The following PGBD2 variants were observed in gnomAD, a reference collection of about 807,000 sequenced individuals.
PGBD2 encodes piggyBac transposable element derived 2, also known as piggyBac transposable element-derived protein 2.
PGBD2 carries 6 observed loss-of-function variants against 8.1 expected under a neutral mutation model. The observed-to-expected ratio is 0.74, with a 90% confidence interval of 0.40 to 1.46. The LOEUF (loss-of-function observed/expected upper bound fraction) is 1.46, where lower values mean the gene tolerates loss of function less well. PGBD2 is among the 40% of genes most tolerant of loss of function. The pLI is 0.02. For synonymous variants in PGBD2, 318 were observed against 272.2 expected, an observed-to-expected ratio of 1.17 and a Z score of -1.66; for missense variants, 802 against 739.0, an observed-to-expected ratio of 1.09 and a Z score of -0.99.
the PGBD2 span, among the ~76,000 whole-genome samples, chr1:248,890,699 C>A: frequency 6.6e-6 from 1 of 151,066 alleles, no homozygotes. Context: ...CCAACACCGA[C>A]CCCCACACAC....
the PGBD2 span, among the ~76,000 whole-genome samples, chr1:248,873,927 G>C: frequency 6.6e-6 from 1 of 152,226 alleles, no homozygotes; most frequent in Admixed American, 6.5e-5. Context: ...CTGGTCTCCG[G>C]ATGGAGGCGT....
upstream of PGBD2, among the ~76,000 whole-genome samples, chr1:248,903,705 A>C (rs1290204762): frequency 6.6e-6 from 1 of 152,242 alleles, no homozygotes; most frequent in Non-Finnish European, 1.5e-5. Context: ...CTTCAGGTCC[A>C]GCTCACCTGA....
chr1:248,899,998 T>A, the PGBD2 span, among the ~76,000 whole-genome samples: 6 of 149,706 alleles, frequency 4.0e-5, no homozygotes, highest in Admixed American at 2.7e-4. Context: ...GATAAATTGC[T>A]GGATATATAC....
chr1:248,917,983 G>C lies in PGBD2; in HGVS notation c.1399G>C (p.Asp467His). 6.2e-7 allele frequency: 1 copy of C among 1,614,196 alleles called. No individual in the cohort carries two copies. The highest frequency in any genetic ancestry group is 8.5e-7 in the Non-Finnish European group (1 of 1,180,030). The change falls in exon 3 of 3, where the codon GAT becomes CAT. Residue 467 changes from aspartate (D) to histidine (H), a missense_variant. Transcript: ENST00000329291. ...QEKVGGVGRM[D>H]QNIAKYKVKI... ...GAAGGTGGGTGGCGTTGGTAGGATG[G>C]ATCAGAATATTGCCAAGTACAAGGT... is the stretch of plus-strand genomic sequence containing the variant.
the PGBD2 span, among the ~76,000 whole-genome samples, chr1:248,882,244 CA>C: frequency 6.6e-6 from 1 of 152,054 alleles, no homozygotes; most frequent in African/African-American, 2.4e-5. Flanking sequence ...TTAGTGAGGG[CA>C]GGGGTAGGTT....
At chr1:248,908,003 G>T (rs553848028) in intron 1 of PGBD2, among the ~76,000 whole-genome samples, 6 of 152,092 alleles carry the variant, frequency 3.9e-5, no homozygotes, top group Admixed American at 1.3e-4. Context: ...TCAGAGTGTT[G>T]TGAAACAAGC....
the PGBD2 span, among the ~76,000 whole-genome samples, chr1:248,930,045 G>C: frequency 6.6e-6 from 1 of 152,204 alleles, no homozygotes; most frequent in South Asian, 2.1e-4. Flanking sequence ...AAAGCTTCCT[G>C]TCTGCTCCCT....
Position 248,907,071 on chromosome 1 carries a change from T to C in PGBD2, c.-48+729T>C, listed in dbSNP as rs1206433594. On this transcript the variant is annotated intron_variant, in intron 1 of 2. Coordinates refer to ENST00000329291, the MANE Select transcript of PGBD2 (RefSeq NM_170725.3). ...TACCAAGGACTTGCACCAGCACCGGTCTCTGAGTTCCCTCAGTTTTTATTG... is the reference window on the plus strand; with the variant it reads ...TACCAAGGACTTGCACCAGCACCGGCCTCTGAGTTCCCTCAGTTTTTATTG... Among the ~76,000 whole-genome samples, 5 of 152,252 alleles carry C rather than the reference T, an allele frequency of 3.3e-5. No individual in the cohort carries two copies. In the East Asian group the frequency reaches 5.8e-4, roughly 18 times the overall value.
intron 2 of PGBD2, among the ~76,000 whole-genome samples, chr1:248,915,955 A>G (rs1234632435): frequency 1.3e-5 from 2 of 152,224 alleles, no homozygotes; most frequent in Non-Finnish European, 2.9e-5. Context: ...GCAGCTGCCC[A>G]GGGCTCCCTG....
the PGBD2 span, among the ~76,000 whole-genome samples, chr1:248,893,401 C>T: frequency 6.6e-6 from 1 of 150,930 alleles, no homozygotes; most frequent in South Asian, 2.1e-4. Flanking sequence ...CTCCTGGTAA[C>T]CAGGATTCTA....
chr1:248,913,791 TAAA>T, intron 1 of PGBD2, 22 bp from the exon 2 acceptor site: 2 of 1,254,644 alleles, frequency 1.6e-6, no homozygotes, highest in Admixed American at 1.8e-5. Context: ...AATTTTTTTT[TAAA>T]TTGACTTTTC....
chr1:248,925,110 C>CT, the PGBD2 span, among the ~76,000 whole-genome samples: 1 of 152,004 alleles, frequency 6.6e-6, no homozygotes, highest in African/African-American at 2.4e-5. Context: ...TCTGTGATGA[C>CT]TGAGTCCTTC....
the PGBD2 span, among the ~76,000 whole-genome samples, chr1:248,878,343 T>C: frequency 1.1e-4 from 16 of 152,096 alleles, no homozygotes; most frequent in African/African-American, 3.9e-4. Context: ...CACGCCCAGC[T>C]AGTTTTTGTA....
chr1:248,912,620 C>T (rs1233132580), intron 1 of PGBD2: 1 of 152,156 alleles, frequency 6.6e-6, no homozygotes, highest in Non-Finnish European at 1.5e-5. Flanking sequence ...AATATATCAA[C>T]ATCCATGTCC....
At chr1:248,907,879 GC>G (rs2103102753) in intron 1 of PGBD2, among the ~76,000 whole-genome samples, 2 of 152,264 alleles carry the variant, frequency 1.3e-5, no homozygotes, top group South Asian at 4.1e-4. Flanking sequence ...AGACACAGTA[GC>G]AGTCTGACTT....
At chr1:248,913,688 G>A (rs1558287305) in intron 1 of PGBD2, 128 bp from the exon 2 acceptor site, 2 of 636,342 alleles carry the variant, frequency 3.1e-6, no homozygotes, top group South Asian at 1.9e-5. Context: ...ATAACCAGTC[G>A]ACCCAGACAC....
chr1:248,900,233 T>A, the PGBD2 span, among the ~76,000 whole-genome samples: 1 of 152,170 alleles, frequency 6.6e-6, no homozygotes, highest in African/African-American at 2.4e-5. Context: ...CCTAATTCAT[T>A]TTATGAGGAA....
chr1:248,913,962 G>C (rs369568862), intron 2 of PGBD2, 83 bp downstream of exon 2: 30 of 1,174,882 alleles, frequency 2.6e-5, no homozygotes, highest in Admixed American at 1.0e-4. Context: ...GACATTTTTA[G>C]CTCTTGGCCT....
the PGBD2 span, among the ~76,000 whole-genome samples, chr1:248,889,847 A>C: frequency 0.028 from 4,304 of 151,248 alleles, 218 homozygotes; most frequent in African/African-American, 0.1. Flanking sequence ...TCTCCCTCCC[A>C]GATAGGCAAA....
Sources: allele counts gnomAD v4.1 joint callset (sites outside exome capture counted in the v4.1 genomes callset), GRCh38; gene constraint gnomAD v4.1.1; transcripts MANE v1.5; gene names NCBI Gene and HGNC (gene_info 2026-07-23, HGNC 2026-07-21).